The following AGO3 variants were observed in gnomAD, a reference collection of about 807,000 sequenced individuals.
AGO3 encodes protein argonaute-3.
In AGO3, 16 loss-of-function variants were observed where a neutral mutation model predicts 105.5. The observed-to-expected ratio is 0.15, with a 90% CI of 0.10 to 0.23. The LOEUF is 0.23. Ranked by LOEUF, AGO3 falls within the 10% of genes least tolerant of loss-of-function variation. AGO3 has a pLI of 1.00. For synonymous variants in AGO3, 340 were observed against 367.3 expected (o/e 0.93, Z 0.85); for missense variants, 534 against 1,088.0 (o/e 0.49, Z 7.16).
Position 36,055,057 on chromosome 1 carries a change from C to A in AGO3, c.2386C>A (p.Arg796=). ...CTGCCACACTTACGTACGCTGTACACGATCTGTTTCTATACCTGCACCAGC... is the reference window on the plus strand; with the variant it reads ...CTGCCACACTTACGTACGCTGTACAAGATCTGTTTCTATACCTGCACCAGC... ...QLCHTYVRCT[R]SVSIPAPAYY... The change falls in exon 18 of 19, where the codon CGA becomes AGA. Residue 796 remains arginine, a synonymous_variant. Transcript: ENST00000373191. This position sits in a 1 kb window ranked among gnomAD's most constrained non-coding sequence, Gnocchi z 4.4. The A allele has an allele frequency of 1.9e-6, 3 of 1,614,166 alleles. No homozygotes were observed. The highest frequency in any genetic ancestry group is 2.5e-6 in the Non-Finnish European group (3 of 1,180,012).
rs991879657 is a variant in AGO3, at chr1:36,072,345, C to A, written c.*16600C>A. The A allele has an allele frequency of 4.6e-4, 70 of 152,276 alleles. No individual in the cohort carries two copies. Among genetic ancestry groups the A allele is most frequent in the African/African-American group, 1.5e-3 (64 of 41,536 alleles). The allele number at this position is 152,276 out of a possible 1,614,324, so 9.4% of individuals were successfully genotyped here. ...AATGTTCTGTGACAGAACCACTACT[C>A]TTTTTTCTGCCATTCTGCCTACTGG... On this transcript the variant is annotated 3_prime_UTR_variant, in exon 19 of 19. Coordinates refer to ENST00000373191, the MANE Select transcript of AGO3 (RefSeq NM_024852.4).
At chr1:35,937,968 C>G (rs1571404270) in intron 1 of AGO3, among the ~76,000 whole-genome samples, 1 of 148,572 alleles carries the variant, frequency 6.7e-6, no homozygotes, top group Non-Finnish European at 1.5e-5. Context: ...TTTTCCAAAA[C>G]AAAAATGTAT....
chr1:36,052,855 T>TA (rs1187207281), intron 17 of AGO3, among the ~76,000 whole-genome samples: 1 of 151,856 alleles, frequency 6.6e-6, no homozygotes, highest in African/African-American at 2.4e-5. Context: ...CTATAAAAAA[T>TA]AAAAAAATTA....
At chr1:36,043,915 C>T (rs1642354731) in intron 17 of AGO3, among the ~76,000 whole-genome samples, 1 of 152,068 alleles carries the variant, frequency 6.6e-6, no homozygotes, top group South Asian at 2.1e-4. Context: ...TCAGGCTAGA[C>T]TAGAACTCTT....
chr1:35,960,003 G>A (rs1448203509), intron 2 of AGO3, among the ~76,000 whole-genome samples: 2 of 151,898 alleles, frequency 1.3e-5, no homozygotes, highest in African/African-American at 4.8e-5. Context: ...AGTCAGAGAA[G>A]TTAAATAACT....
chr1:35,933,041 G>A (rs1455068765), intron 1 of AGO3, among the ~76,000 whole-genome samples: 4 of 152,152 alleles, frequency 2.6e-5, no homozygotes, highest in Non-Finnish European at 5.9e-5. Flanking sequence ...GCCAAGTACA[G>A]CTCAGAAAAT....
At chr1:35,994,090 A>T (rs1293094112) in intron 5 of AGO3, among the ~76,000 whole-genome samples, 1 of 110,356 alleles carries the variant, frequency 9.1e-6, no homozygotes, top group African/African-American at 3.8e-5. Context: ...TTACTCTGTC[A>T]CCCAGGCTGG....
chr1:35,976,582 A>G (rs1241714196), intron 5 of AGO3, among the ~76,000 whole-genome samples: 1 of 152,186 alleles, frequency 6.6e-6, no homozygotes, highest in Non-Finnish European at 1.5e-5. Flanking sequence ...AGCATTAAGC[A>G]TTGTATGTAT....
At chr1:35,971,898 G>T in intron 3 of AGO3, 126 bp from the exon 4 acceptor site, 1 of 822,370 alleles carries the variant, frequency 1.2e-6, no homozygotes, top group Non-Finnish European at 1.9e-6. Context: ...AAAAAAAAAT[G>T]GTATATTTTA....
Position 35,972,196 on chromosome 1 carries a change from C to T in AGO3, c.485C>T (p.Ala162Val). ...CCAATCAGCACTAACCCTGTCCATGCCGTTGATGTGGTGCTACGACATCTG... is the reference window on the plus strand; with the variant it reads ...CCAATCAGCACTAACCCTGTCCATGTCGTTGATGTGGTGCTACGACATCTG... ...DKPISTNPVH[A>V]VDVVLRHLPS... Residue 162 changes from alanine (A) to valine (V), a missense_variant, in exon 4 of 19, where the codon GCC becomes GTC. Coordinates refer to ENST00000373191, the MANE Select transcript of AGO3 (RefSeq NM_024852.4). 6.2e-7 allele frequency: 1 copy of T among 1,614,046 alleles called. No homozygotes were observed. Among genetic ancestry groups the T allele is most frequent in the Non-Finnish European group, 8.5e-7 (1 of 1,180,028 alleles).
chr1:36,003,709 A>AAAAATATAT (rs1295618675), intron 5 of AGO3, among the ~76,000 whole-genome samples: 32 of 99,428 alleles, frequency 3.2e-4, no homozygotes, highest in African/African-American at 1.1e-3. Context: ...AAAAAAAAAA[A>AAAAATATAT]ATATATATAT....
In AGO3 at chr1:36,036,303, A is replaced by G. The variant is rs776802960; in HGVS notation, c.1842+36A>G. 3.8e-6 allele frequency: 6 copies of G among 1,579,330 alleles called. No individual in the cohort carries two copies. The South Asian group carries it at 5.6e-5, about 15-fold the overall frequency. ...GCCAGGTTTATCTTACCTAAGGTTG[A>G]CAGACCAGTATCAATTTTGCAGTTT... On this transcript the variant is annotated intron_variant, in intron 14 of 18. Coordinates refer to ENST00000373191, the MANE Select transcript of AGO3 (RefSeq NM_024852.4).
chr1:35,996,391 A>G (rs1384104638), intron 5 of AGO3, among the ~76,000 whole-genome samples: 1 of 152,130 alleles, frequency 6.6e-6, no homozygotes, highest in Non-Finnish European at 1.5e-5. Context: ...TAACAGAACA[A>G]CGCTTAGGTC....
chr1:36,051,386 G>T (rs1328620169), intron 17 of AGO3, among the ~76,000 whole-genome samples: 3 of 152,100 alleles, frequency 2.0e-5, no homozygotes, highest in African/African-American at 7.2e-5. Flanking sequence ...AGCAAAAACA[G>T]AATTCAGAGG....
rs1313410237 is a variant in AGO3, at chr1:36,057,513, GCTAT to G, written c.*1771_*1774del. On this transcript the variant is annotated 3_prime_UTR_variant, in exon 19 of 19. Coordinates refer to ENST00000373191, the MANE Select transcript of AGO3 (RefSeq NM_024852.4). ...TTTTAAGAACTGACAACTTGTTTTT[GCTAT>G]CTTTTAGTGCAATAAGCAGTTTTAA... is the stretch of plus-strand genomic sequence containing the variant. The G allele has an allele frequency of 6.6e-6, 1 of 151,862 alleles. No homozygotes were observed. The highest frequency in any genetic ancestry group is 1.5e-5 in the Non-Finnish European group (1 of 67,966). The allele number at this position is 151,862 out of a possible 1,614,324, so 9.4% of individuals were successfully genotyped here. A position where few individuals can be genotyped will look rare whatever the true frequency, so the allele number is the denominator to read the frequency against.
At position 35,989,078 on chromosome 1, in the gene AGO3, A is replaced by G. The variant is rs757149998; in HGVS notation, c.659-15263A>G. Among the ~76,000 whole-genome samples the G allele has an allele frequency of 2.0e-5, 3 of 152,158 alleles. No homozygotes were observed. The East Asian group carries it at 5.8e-4, about 29-fold the overall frequency. ...AAGACTGGTAATTGAGCACTATAAT[A>G]AGTACTGTAAAGGAAAATACCAAGT... On this transcript the variant is annotated intron_variant, in intron 5 of 18. Coordinates refer to ENST00000373191, the MANE Select transcript of AGO3 (RefSeq NM_024852.4).
chr1:35,974,146 T>G (rs911023335), intron 5 of AGO3, among the ~76,000 whole-genome samples: 10 of 152,346 alleles, frequency 6.6e-5, no homozygotes, highest in African/African-American at 2.4e-4. Context: ...GGATATTTTC[T>G]TATAGCAGCA....
At position 36,036,278 on chromosome 1, in the gene AGO3, G is replaced by A. The variant is rs141731424; in HGVS notation, c.1842+11G>A. ...CCTTCTATTGCTGCTGTGAGTGTTA[G>A]CCAGGTTTATCTTACCTAAGGTTGA... On this transcript the variant is annotated intron_variant, in intron 14 of 18. Coordinates refer to ENST00000373191, the MANE Select transcript of AGO3 (RefSeq NM_024852.4). 374 of 1,612,630 alleles carry A rather than the reference G, an allele frequency of 2.3e-4. 2 individuals are homozygous for A. In the East Asian group the frequency reaches 8.2e-3, roughly 35 times the overall value.
intron 5 of AGO3, among the ~76,000 whole-genome samples, chr1:35,987,470 GC>G (rs1647235505): frequency 6.6e-6 from 1 of 151,906 alleles, no homozygotes; most frequent in South Asian, 2.1e-4. Flanking sequence ...TCCAGCCTGG[GC>G]AACAGAGTAA....
Sources: allele counts gnomAD v4.1 joint callset (sites outside exome capture counted in the v4.1 genomes callset), GRCh38; gene constraint gnomAD v4.1.1; non-coding constraint Gnocchi (gnomAD v3.1); transcripts MANE v1.5; gene names NCBI Gene and HGNC (gene_info 2026-07-23, HGNC 2026-07-21).